Variants in SNTG1 observed in about 807,000 individuals in gnomAD.
SNTG1 encodes the protein gamma-1-syntrophin.
Under a neutral mutation model 74.7 loss-of-function variants are expected in SNTG1, and 39 were observed. The observed-to-expected ratio is 0.52, with a 90% CI of 0.40 to 0.68. The LOEUF (loss-of-function observed/expected upper bound fraction) is 0.68. Ranked by LOEUF, SNTG1 falls within the 30% of genes least tolerant of loss-of-function variation. The probability of loss-of-function intolerance (pLI) is 0.00; values close to 1 mark genes in which losing one functional copy is unlikely to be tolerated. For missense variants in SNTG1, 685 were observed against 609.5 expected (o/e 1.12, Z -1.30); for synonymous variants, 254 against 217.1 (o/e 1.17, Z -1.49).
At chr8:50,257,237 G>T (rs2130013509) in intron 2 of SNTG1, among the ~76,000 whole-genome samples, 1 of 152,288 alleles carries the variant, frequency 6.6e-6, no homozygotes, top group East Asian at 1.9e-4. Context: ...AGGAATTGCA[G>T]ATGAAAAATA....
intron 1 of SNTG1, among the ~76,000 whole-genome samples, chr8:50,121,438 C>T (rs1315065919): frequency 7.1e-6 from 1 of 141,460 alleles, no homozygotes; most frequent in Admixed American, 7.2e-5. Flanking sequence ...TCAGTGCATA[C>T]AAAATTTTAT....
chr8:50,076,083 A>G (rs1821856022), intron 1 of SNTG1, among the ~76,000 whole-genome samples: 1 of 152,214 alleles, frequency 6.6e-6, no homozygotes, highest in African/African-American at 2.4e-5. Context: ...CAATATCTGT[A>G]AAGTGCAATC....
At chr8:50,252,833 A>G (rs1054639285) in intron 2 of SNTG1, among the ~76,000 whole-genome samples, 1 of 152,182 alleles carries the variant, frequency 6.6e-6, no homozygotes, top group Non-Finnish European at 1.5e-5. Context: ...ACATTTCAAC[A>G]TGAGATTTGA....
rs536619681 is a variant in SNTG1, at chr8:50,582,076, T to C, written c.811-8803T>C. ...TTTTGTCTGGATCTGACAAAAACAA[T>C]CATCCAGTATCTGCAGGTTTCACAC... On this transcript the variant is annotated intron_variant, in intron 12 of 18. Coordinates refer to ENST00000642720, the MANE Select transcript of SNTG1 (RefSeq NM_018967.5). 4.6e-5 allele frequency among the ~76,000 whole-genome samples: 7 copies of C among 152,302 alleles called. No individual in the cohort carries two copies. In the South Asian group the frequency reaches 8.3e-4, roughly 18 times the overall value.
intron 2 of SNTG1, among the ~76,000 whole-genome samples, chr8:50,283,895 C>T (rs894102285): frequency 1.3e-5 from 2 of 152,106 alleles, no homozygotes; most frequent in African/African-American, 2.4e-5. Flanking sequence ...CTAAATGCCC[C>T]TGCACACAGT....
At chr8:50,582,069 A>G (rs2094613653) in intron 12 of SNTG1, among the ~76,000 whole-genome samples, 1 of 152,182 alleles carries the variant, frequency 6.6e-6, no homozygotes, top group African/African-American at 2.4e-5. Context: ...GGATCTGACA[A>G]AAACAATCAT....
chr8:50,209,169 G>A (rs2084389559), intron 2 of SNTG1, among the ~76,000 whole-genome samples: 1 of 152,164 alleles, frequency 6.6e-6, no homozygotes, highest in Admixed American at 6.6e-5. Flanking sequence ...CAGTGAGGCT[G>A]GGGGAGGGGT....
chr8:50,359,729 T>C (rs377492437), intron 2 of SNTG1, among the ~76,000 whole-genome samples: 67 of 152,284 alleles, frequency 4.4e-4, no homozygotes, highest in African/African-American at 1.6e-3. Flanking sequence ...AAAATCATCT[T>C]TCAGCACAAT....
intron 13 of SNTG1, among the ~76,000 whole-genome samples, chr8:50,629,562 G>A (rs929050899): frequency 6.6e-6 from 1 of 151,880 alleles, no homozygotes; most frequent in East Asian, 1.9e-4. Context: ...TGCTAATCTT[G>A]TATGCTTCTC....
At chr8:49,920,987 A>T (rs995664905) in intron 1 of SNTG1, among the ~76,000 whole-genome samples, 2 of 152,104 alleles carry the variant, frequency 1.3e-5, no homozygotes, top group South Asian at 2.1e-4. Flanking sequence ...GGAAGGAAAG[A>T]TGTGATATCT....
chr8:50,131,291 G>A (rs905094364), intron 1 of SNTG1, among the ~76,000 whole-genome samples: 7 of 152,010 alleles, frequency 4.6e-5, no homozygotes, highest in African/African-American at 1.4e-4. Context: ...GTGGGCACTC[G>A]ATTATTTCTT....
intron 1 of SNTG1, among the ~76,000 whole-genome samples, chr8:50,061,071 G>C (rs1407542234): frequency 1.3e-5 from 2 of 151,934 alleles, no homozygotes; most frequent in Admixed American, 1.3e-4. Context: ...AAAATGAGTT[G>C]GAAAATGATC....
intron 8 of SNTG1, among the ~76,000 whole-genome samples, chr8:50,482,601 T>G (rs1043003950): frequency 6.6e-6 from 1 of 152,198 alleles, no homozygotes; most frequent in Non-Finnish European, 1.5e-5. Flanking sequence ...CTACAGATTA[T>G]AAAAATCAGC....
intron 12 of SNTG1, 52 bp downstream of exon 12, chr8:50,553,231 A>C (rs771565632): frequency 6.2e-7 from 1 of 1,606,052 alleles, no homozygotes; most frequent in East Asian, 2.2e-5. Context: ...GCTTTATAAA[A>C]TCCTTCAGTA....
chr8:50,251,536 AT>A (rs2086647120), intron 2 of SNTG1, among the ~76,000 whole-genome samples: 1 of 151,862 alleles, frequency 6.6e-6, no homozygotes, highest in Non-Finnish European at 1.5e-5. Context: ...GGAAAAATAT[AT>A]TTCATACAAA....
intron 17 of SNTG1, among the ~76,000 whole-genome samples, chr8:50,735,307 T>C (rs2095525450): frequency 6.6e-6 from 1 of 151,444 alleles, no homozygotes; most frequent in Non-Finnish European, 1.5e-5. Context: ...TAAACTAATA[T>C]TAGACAAAAA....
intron 1 of SNTG1, among the ~76,000 whole-genome samples, chr8:50,109,206 T>A (rs992578998): frequency 5.3e-5 from 8 of 152,136 alleles, no homozygotes; most frequent in Non-Finnish European, 7.4e-5. Context: ...CCCTTGAACT[T>A]TGACTATCTT....
rs1442860514 is a variant in SNTG1 at position 50,796,565 on chromosome 8, A to C, written c.*3736A>C. 6.6e-6 allele frequency: 1 copy of C among 151,966 alleles called. No individual in the cohort carries two copies. Among genetic ancestry groups the C allele is most frequent in the East Asian group, 1.9e-4 (1 of 5,182 alleles). The allele number at this position is 151,966 out of a possible 1,614,324, so 9.4% of individuals were successfully genotyped here. The stretch of plus-strand genomic sequence containing the variant: ...TAATTGTTTTGGTGGATGTTTGTAA[A>C]ATGTAAATTAATATCTGTGACAAAA... On this transcript the variant is annotated 3_prime_UTR_variant, in exon 19 of 19. Coordinates refer to ENST00000642720, the MANE Select transcript of SNTG1 (RefSeq NM_018967.5).
intron 2 of SNTG1, among the ~76,000 whole-genome samples, chr8:50,367,708 G>A (rs1220599610): frequency 6.6e-6 from 1 of 151,986 alleles, no homozygotes; most frequent in African/African-American, 2.4e-5. Context: ...ACCTGTGATT[G>A]TTAATTTTTT....
Sources: gnomAD v4.1 joint callset for allele counts (sites outside exome capture counted in the v4.1 genomes callset) on GRCh38, gnomAD v4.1.1 for gene constraint, MANE v1.5 for transcripts, NCBI Gene and HGNC (gene_info 2026-07-23, HGNC 2026-07-21) for gene names.